Variants in PTPRC observed in about 807,000 individuals in gnomAD.
The protein encoded by PTPRC is receptor-type tyrosine-protein phosphatase C.
PTPRC carries 44 observed loss-of-function variants against 155.9 expected under a neutral mutation model. The observed-to-expected ratio is 0.28, with a 90% CI of 0.22 to 0.36. The LOEUF (loss-of-function observed/expected upper bound fraction) is 0.36, where lower values mean the gene tolerates loss of function less well. PTPRC is among the 10% of genes least tolerant of loss of function. The probability of loss-of-function intolerance (pLI) is 1.00; values close to 1 mark genes in which losing one functional copy is unlikely to be tolerated. For missense variants in PTPRC, 1,401 were observed against 1,564.6 expected (o/e 0.90, Z 1.76); for synonymous variants, 525 against 533.1 (o/e 0.98, Z 0.21).
chr1:198,696,276 A>T (rs909793885), intron 3 of PTPRC, among the ~76,000 whole-genome samples: 2 of 150,822 alleles, frequency 1.3e-5, no homozygotes, highest in African/African-American at 4.9e-5. Flanking sequence ...CCTGCTAAAA[A>T]CCTTCTAACT....
At chr1:198,691,046 A>G (rs1322493366) in intron 2 of PTPRC, among the ~76,000 whole-genome samples, 1 of 152,060 alleles carries the variant, frequency 6.6e-6, no homozygotes, top group Non-Finnish European at 1.5e-5. Context: ...CTTGTTTGCT[A>G]CAGTTTTCCT....
chr1:198,699,545 T>C lies in PTPRC; in HGVS notation c.299-19T>C. ...CAGTGGGGGAAGACTGATGTAATGA[T>C]CTCACTTTCCTACCTTAGGTGTTTC... On this transcript the variant is annotated intron_variant, in intron 4 of 32. Coordinates refer to ENST00000442510, the MANE Select transcript of PTPRC (RefSeq NM_002838.5). The C allele has an allele frequency of 6.2e-7, 1 of 1,614,130 alleles. No homozygotes were observed. Among genetic ancestry groups the C allele is most frequent in the Non-Finnish European group, 8.5e-7 (1 of 1,179,962 alleles).
At chr1:198,687,305 C>G (rs942381268) in intron 2 of PTPRC, among the ~76,000 whole-genome samples, 1 of 151,916 alleles carries the variant, frequency 6.6e-6, no homozygotes, top group African/African-American at 2.4e-5. Context: ...CTCATCAGGT[C>G]TTTTTTTTCT....
chr1:198,743,585 A>C (rs1655011099), intron 25 of PTPRC, among the ~76,000 whole-genome samples: 1 of 151,904 alleles, frequency 6.6e-6, no homozygotes, highest in African/African-American at 2.4e-5. Flanking sequence ...TTACAAAAAA[A>C]TAATTTTCTT....
chr1:198,674,682 T>C (rs1409264890), intron 2 of PTPRC, among the ~76,000 whole-genome samples: 1 of 151,920 alleles, frequency 6.6e-6, no homozygotes, highest in African/African-American at 2.4e-5. Context: ...GAATCTATGC[T>C]ATGCTTTGCT....
intron 14 of PTPRC, among the ~76,000 whole-genome samples, chr1:198,718,931 A>T (rs1372048048): frequency 2.0e-5 from 3 of 152,150 alleles, no homozygotes; most frequent in Admixed American, 1.3e-4. Flanking sequence ...ATATTTAACT[A>T]CTATGTAGTT....
rs1012627168 is a variant in PTPRC, at chr1:198,692,392, A to G, written c.100+19A>G. ...CCCACTGGTAAGAATTAATATTTAT[A>G]TTTTTACTAATTTTATTTTCTTGTT... On this transcript the variant is annotated intron_variant, in intron 3 of 32. Coordinates refer to ENST00000442510, the MANE Select transcript of PTPRC (RefSeq NM_002838.5). 4 of 1,383,518 alleles carry G rather than the reference A, an allele frequency of 2.9e-6. No individual in the cohort carries two copies. The African/African-American group carries it at 6.1e-5, about 21-fold the overall frequency. 85.7% of individuals were successfully genotyped at this position (1,383,518 alleles called of 1,614,324 possible).
intron 3 of PTPRC, chr1:198,694,131 A>C (rs1666075690): frequency 6.5e-7 from 1 of 1,542,976 alleles, no homozygotes; most frequent in Admixed American, 2.0e-5. Flanking sequence ...GCCCCTCACA[A>C]ACCACTGGAG....
chr1:198,683,571 A>T (rs1230202414), intron 2 of PTPRC, among the ~76,000 whole-genome samples: 1 of 152,094 alleles, frequency 6.6e-6, no homozygotes, highest in Admixed American at 6.5e-5. Flanking sequence ...GTAAGGAAGC[A>T]TCTTTCTCAG....
rs769027528 is a variant in PTPRC at position 198,748,105 on chromosome 1, T to G, written c.2848-4T>G. ...AGTTTTTCTGTTTTTTTTTTTTTTT[T>G]CAGAGACTTCCTTCATATAGGAGCT... On this transcript the variant is annotated splice_polypyrimidine_tract_variant and splice_region_variant and intron_variant, in intron 26 of 32. Coordinates refer to ENST00000442510, the MANE Select transcript of PTPRC (RefSeq NM_002838.5). The G allele has an allele frequency of 4.4e-6, 7 of 1,576,514 alleles. No homozygotes were observed. Among genetic ancestry groups the G allele is most frequent in the African/African-American group, 2.9e-5 (2 of 69,278 alleles).
intron 2 of PTPRC, among the ~76,000 whole-genome samples, chr1:198,648,863 T>G (rs1663082434): frequency 6.6e-6 from 1 of 151,828 alleles, no homozygotes. Context: ...ACCCAACTCA[T>G]TTTTGATATT....
intron 32 of PTPRC, among the ~76,000 whole-genome samples, chr1:198,755,394 T>C (rs1269794483): frequency 6.6e-6 from 1 of 152,104 alleles, no homozygotes; most frequent in Non-Finnish European, 1.5e-5. Context: ...TACTTAAAAA[T>C]GTATCAAATG....
At chr1:198,717,986 C>T (rs908488542) in intron 13 of PTPRC, 108 bp from the exon 14 acceptor site, 1 of 727,130 alleles carries the variant, frequency 1.4e-6, no homozygotes. Flanking sequence ...TTATTTATAA[C>T]CCCCAAGCTA....
rs533525146 is a variant in PTPRC at position 198,677,553 on chromosome 1, G to A, written c.74-14794G>A. Among the ~76,000 whole-genome samples, 215 of 151,674 alleles carry A rather than the reference G, an allele frequency of 1.4e-3. 2 individuals carry two copies. Among genetic ancestry groups the A allele is most frequent in the African/African-American group, 5.0e-3 (205 of 41,318 alleles). On this transcript the variant is annotated intron_variant, in intron 2 of 32. Transcript: ENST00000442510. ...AACTTAGACATTACTTATTTTGGGG[G>A]AGTCTTCCATGATTACCCTAAGAAT...
At chr1:198,740,698 TAA>T (rs1158608704) in intron 23 of PTPRC, among the ~76,000 whole-genome samples, 2 of 152,006 alleles carry the variant, frequency 1.3e-5, no homozygotes, top group East Asian at 3.9e-4. Flanking sequence ...TTCAGAAATT[TAA>T]AAGATTATGA....
At chr1:198,723,672 G>A (rs1302583644) in intron 15 of PTPRC, among the ~76,000 whole-genome samples, 1 of 152,158 alleles carries the variant, frequency 6.6e-6, no homozygotes, top group Non-Finnish European at 1.5e-5. Flanking sequence ...TAATAGGCCA[G>A]ATCTGAAACA....
intron 14 of PTPRC, among the ~76,000 whole-genome samples, chr1:198,718,768 A>G (rs763660846): frequency 3.3e-5 from 5 of 152,282 alleles, no homozygotes; most frequent in Non-Finnish European, 5.9e-5. Context: ...CTCACTGTCT[A>G]CTGATCGTAT....
Position 198,752,329 on chromosome 1 carries a change from T to C in PTPRC, c.3288T>C (p.Ser1096=). The change falls in exon 30 of 33, where the codon TCT becomes TCC. Residue 1096 remains serine (S), a synonymous_variant. Coordinates refer to ENST00000442510, the MANE Select transcript of PTPRC (RefSeq NM_002838.5). ...TTGACCTGAAAGACACAGACAAATC[T>C]TCAACTTATACCCTTCGTGTCTTTG... is the stretch of plus-strand genomic sequence containing the variant. ...IEVDLKDTDK[S]STYTLRVFEL... is the part of the protein sequence containing the mutation. 6.2e-7 allele frequency: 1 copy of C among 1,612,650 alleles called. No homozygotes were observed. Among genetic ancestry groups the C allele is most frequent in the Non-Finnish European group, 8.5e-7 (1 of 1,179,178 alleles).
rs1015263441 is a variant in PTPRC at position 198,648,917 on chromosome 1, T to A, written c.73+9576T>A. On this transcript the variant is annotated intron_variant, in intron 2 of 32. Transcript: ENST00000442510. Reference sequence around the variant, plus strand: ...TAAATAATTCACCAAAGTATCTAGATTTTTTTTTGTTTTTGAAGTGCAAGG... The same window carrying A: ...TAAATAATTCACCAAAGTATCTAGAATTTTTTTTGTTTTTGAAGTGCAAGG... 4.0e-5 allele frequency among the ~76,000 whole-genome samples: 6 copies of A among 151,272 alleles called. No homozygotes were observed. In the East Asian group the frequency reaches 9.7e-4, roughly 25 times the overall value.
Sources: allele counts gnomAD v4.1 joint callset (sites outside exome capture counted in the v4.1 genomes callset), GRCh38; gene constraint gnomAD v4.1.1; transcripts MANE v1.5; gene names NCBI Gene and HGNC (gene_info 2026-07-23, HGNC 2026-07-21).